Variants in NFIC observed in about 807,000 individuals in gnomAD.
The protein encoded by NFIC is nuclear factor I C.
In NFIC, 12 loss-of-function variants were observed where a neutral mutation model predicts 54.4. The observed-to-expected ratio is 0.22, with a 90% CI of 0.14 to 0.36. The LOEUF (loss-of-function observed/expected upper bound fraction) is 0.36, where lower values mean the gene tolerates loss of function less well. NFIC is among the 10% of genes least tolerant of loss of function. The pLI is 1.00. For synonymous variants in NFIC, 322 were observed against 319.2 expected (o/e 1.01, Z -0.09); for missense variants, 575 against 718.2 (o/e 0.80, Z 2.28).
intron 3 of NFIC, among the ~76,000 whole-genome samples, chr19:3,427,194 G>A (rs2082040964): frequency 6.6e-6 from 1 of 151,996 alleles, no homozygotes. Flanking sequence ...CCAAAGTGCT[G>A]GGATTACAGG....
At chr19:3,367,430 T>C (rs2080913515) in intron 1 of NFIC, among the ~76,000 whole-genome samples, 1 of 152,012 alleles carries the variant, frequency 6.6e-6, no homozygotes. Flanking sequence ...GCCCGGGCAC[T>C]GCGGCGCTGC....
chr19:3,360,678 C>T (rs899559626), intron 1 of NFIC, among the ~76,000 whole-genome samples: 1 of 152,200 alleles, frequency 6.6e-6, no homozygotes, highest in Non-Finnish European at 1.5e-5. Context: ...TTGTGAGCGC[C>T]GCCCGCATTG....
intron 3 of NFIC, among the ~76,000 whole-genome samples, chr19:3,425,695 G>A (rs1298770264): frequency 6.6e-6 from 1 of 151,434 alleles, no homozygotes; most frequent in Admixed American, 6.6e-5. Flanking sequence ...CCTGACCTCA[G>A]GTGATCCGCC....
At chr19:3,405,557 G>A (rs975077816) in intron 2 of NFIC, among the ~76,000 whole-genome samples, 3 of 152,004 alleles carry the variant, frequency 2.0e-5, no homozygotes, top group Admixed American at 2.0e-4. Flanking sequence ...ATCAGGGTCC[G>A]TACTGGAATT....
At chr19:3,362,965 G>C (rs556746437), upstream of NFIC, among the ~76,000 whole-genome samples, 1 of 152,064 alleles carries the variant, frequency 6.6e-6, no homozygotes, top group East Asian at 1.9e-4. Flanking sequence ...AACTTTTTAA[G>C]TTTTCCTTTA....
intron 1 of NFIC, among the ~76,000 whole-genome samples, chr19:3,380,377 G>A (rs1319088911): frequency 6.9e-6 from 1 of 144,148 alleles, no homozygotes; most frequent in African/African-American, 2.6e-5. Context: ...CCAGGCTGGA[G>A]TGCAGTGGCA....
upstream of NFIC, among the ~76,000 whole-genome samples, chr19:3,361,877 G>A (rs1362282384): frequency 2.6e-5 from 4 of 151,960 alleles, no homozygotes; most frequent in Admixed American, 6.6e-5. Flanking sequence ...ACTCCCTCAC[G>A]GTGCCTGTGT....
At chr19:3,394,642 G>C (rs1256999130) in intron 2 of NFIC, among the ~76,000 whole-genome samples, 2 of 150,756 alleles carry the variant, frequency 1.3e-5, no homozygotes, top group Middle Eastern at 3.4e-3. Flanking sequence ...CTGAGTTCCA[G>C]AGCAGGGGTT....
intron 7 of NFIC, among the ~76,000 whole-genome samples, chr19:3,451,149 T>C (rs1464979938): frequency 6.6e-6 from 1 of 152,206 alleles, no homozygotes; most frequent in Non-Finnish European, 1.5e-5. Flanking sequence ...CACGAGGCTC[T>C]GACGCAGGCC....
upstream of NFIC, among the ~76,000 whole-genome samples, chr19:3,365,093 T>C (rs935361422): frequency 6.6e-6 from 1 of 152,268 alleles, no homozygotes; most frequent in East Asian, 1.9e-4. Flanking sequence ...CTGCAGGAAT[T>C]CTGCTCCCTC....
intron 2 of NFIC, among the ~76,000 whole-genome samples, chr19:3,407,084 A>C (rs994899880): frequency 3.3e-5 from 5 of 151,962 alleles, no homozygotes; most frequent in African/African-American, 9.6e-5. Flanking sequence ...GATGGGGAGA[A>C]CTTGGACTTT....
Position 3,463,417 on chromosome 19 carries a change from G to A in NFIC, c.*648G>A, listed in dbSNP as rs897140097. 6 of 985,406 alleles carry A rather than the reference G, an allele frequency of 6.1e-6. No homozygotes were observed. Among genetic ancestry groups the A allele is most frequent in the Non-Finnish European group, 7.2e-6 (6 of 830,060 alleles). The allele number at this position is 985,406 out of a possible 1,614,324, so 61.0% of individuals were successfully genotyped here. On this transcript the variant is annotated 3_prime_UTR_variant, in exon 11 of 11. Transcript: ENST00000443272. ...GGGTGGGGCAGGCGAGTGGTGTCGC[G>A]GGGGTGCGTGGCGCTTGCGAGCCCT...
intron 3 of NFIC, among the ~76,000 whole-genome samples, chr19:3,431,123 C>T (rs2082113661): frequency 6.6e-6 from 1 of 151,668 alleles, no homozygotes; most frequent in Admixed American, 6.6e-5. Context: ...GATGCCCAGG[C>T]TGGAGTGCAA....
intron 2 of NFIC, among the ~76,000 whole-genome samples, chr19:3,391,860 CAATA>C (rs2081382042): frequency 6.6e-6 from 1 of 151,978 alleles, no homozygotes; most frequent in Non-Finnish European, 1.5e-5. Context: ...AATCATGGAA[CAATA>C]AATAAGAAAA....
intron 2 of NFIC, among the ~76,000 whole-genome samples, chr19:3,405,105 T>C (rs2081625877): frequency 6.6e-6 from 1 of 152,228 alleles, no homozygotes; most frequent in Non-Finnish European, 1.5e-5. Flanking sequence ...AACTTTTCTT[T>C]GAAAGTGATT....
chr19:3,465,622 A>G lies in NFIC; in HGVS notation c.*2853A>G, dbSNP rs1822166432. 1 of 151,940 alleles carries G rather than the reference A, an allele frequency of 6.6e-6. No homozygotes were observed. The highest frequency in any genetic ancestry group is 1.5e-5 in the Non-Finnish European group (1 of 68,024). The allele number at this position is 151,940 out of a possible 1,614,324, so 9.4% of individuals were successfully genotyped here. Reference sequence around the variant, plus strand: ...CTGCTCTTGGGTACCCAGAGGGGTCATTTCTGAATCCCTTGCCCAGAGGAC... The same window carrying G: ...CTGCTCTTGGGTACCCAGAGGGGTCGTTTCTGAATCCCTTGCCCAGAGGAC... On this transcript the variant is annotated 3_prime_UTR_variant, in exon 11 of 11. Transcript: ENST00000443272.
chr19:3,432,417 CG>C (rs950135977), intron 3 of NFIC, among the ~76,000 whole-genome samples: 29 of 152,228 alleles, frequency 1.9e-4, no homozygotes, highest in African/African-American at 6.0e-4. Context: ...CCTGCCCACA[CG>C]GACCTCCCAG....
intron 2 of NFIC, among the ~76,000 whole-genome samples, chr19:3,392,011 C>T (rs546597797): frequency 6.6e-6 from 1 of 151,594 alleles, no homozygotes; most frequent in African/African-American, 2.4e-5. Flanking sequence ...TGCTTTACTG[C>T]CTCATCTGTG....
At chr19:3,435,235 G>A (rs1371382975) in intron 6 of NFIC, 28 bp downstream of exon 6, 2 of 1,544,300 alleles carry the variant, frequency 1.3e-6, no homozygotes, top group South Asian at 1.2e-5. Flanking sequence ...GGCGGAGCCG[G>A]CCTTCCGGTC....
Sources: allele counts gnomAD v4.1 joint callset (sites outside exome capture counted in the v4.1 genomes callset), GRCh38; gene constraint gnomAD v4.1.1; transcripts MANE v1.5; gene names NCBI Gene and HGNC (gene_info 2026-07-23, HGNC 2026-07-21).